ITFG1: variants seen among roughly 807,000 people sequenced by gnomAD.
ITFG1 encodes T-cell immunomodulatory protein.
A neutral mutation model predicts 81.8 loss-of-function variants in ITFG1; 34 were observed. The observed-to-expected ratio is 0.42, with a 90% CI of 0.32 to 0.55. ITFG1 has a LOEUF of 0.55. ITFG1 is among the 20% of genes least tolerant of loss of function. ITFG1 has a pLI of 0.17. For missense variants in ITFG1, 672 were observed against 755.4 expected (o/e 0.89, Z 1.29); for synonymous variants, 285 against 270.6 (o/e 1.05, Z -0.52).
At chr16:47,199,687 G>A (rs932374147) in intron 14 of ITFG1, among the ~76,000 whole-genome samples, 7 of 152,026 alleles carry the variant, frequency 4.6e-5, no homozygotes, top group Non-Finnish European at 1.0e-4. Flanking sequence ...CCGGGGGTGG[G>A]GGATGGTTTT....
chr16:47,456,550 G>A (rs183871430), intron 2 of ITFG1, among the ~76,000 whole-genome samples: 2 of 152,178 alleles, frequency 1.3e-5, no homozygotes, highest in East Asian at 3.9e-4. Flanking sequence ...AAATTCGCTG[G>A]GCGTGGCGTT....
At chr16:47,424,541 G>T (rs1473002250) in intron 6 of ITFG1, among the ~76,000 whole-genome samples, 1 of 152,184 alleles carries the variant, frequency 6.6e-6, no homozygotes, top group Non-Finnish European at 1.5e-5. Flanking sequence ...CAGCTTTTCT[G>T]CTCTGGTTTC....
At chr16:47,417,665 T>C (rs1256410754) in intron 6 of ITFG1, among the ~76,000 whole-genome samples, 2 of 152,224 alleles carry the variant, frequency 1.3e-5, no homozygotes, top group Non-Finnish European at 2.9e-5. Context: ...CTTAATTCAC[T>C]TAACATAATG....
At chr16:47,296,586 C>T (rs1056500994) in intron 10 of ITFG1, among the ~76,000 whole-genome samples, 2 of 152,110 alleles carry the variant, frequency 1.3e-5, no homozygotes, top group African/African-American at 2.4e-5. Flanking sequence ...CAGGTACACG[C>T]CATCACGTCC....
chr16:47,158,816 TGTA>T, intron 17 of ITFG1, 54 bp downstream of exon 17: 1 of 816,116 alleles, frequency 1.2e-6, no homozygotes, highest in Non-Finnish European at 2.0e-6. Flanking sequence ...TAAAGAGCAA[TGTA>T]TGTATTACTA....
At chr16:47,228,311 A>G (rs1214917760) in intron 13 of ITFG1, among the ~76,000 whole-genome samples, 2 of 152,182 alleles carry the variant, frequency 1.3e-5, no homozygotes, top group Non-Finnish European at 2.9e-5. Flanking sequence ...GTAAAACAGT[A>G]CCAAGTAAGA....
rs1166937921 is a variant in ITFG1 at position 47,461,013 on chromosome 16, C to G, written c.33G>C (p.Trp11Cys). The G allele has an allele frequency of 6.4e-7, 1 of 1,552,980 alleles. No individual in the cohort carries two copies. The change falls in exon 1 of 18, where the codon TGG (tryptophan) becomes TGC (cysteine). Residue 11 changes from tryptophan to cysteine, a missense_variant. Physicochemically the swap from Trp to Cys is radical, Grantham distance 215. Around this residue, in one of 3 missense-constraint regions of ITFG1, gnomAD observed 47 missense variants for 26.4 expected, o/e 1.78. Transcript: ENST00000320640. MAAAGRLPSS[W>C]ALFSPLLAGL... ...CTGCGAGGAGCGGCGAGAAGAGGGC[C>G]CAGGAGCTCGGGAGCCGGCCCGCCG... is the stretch of plus-strand genomic sequence containing the variant.
In ITFG1 at chr16:47,454,151, T is replaced by C. The variant is rs1969422775; in HGVS notation, c.289A>G (p.Ser97Gly). 2 of 1,600,286 alleles carry C rather than the reference T, an allele frequency of 1.2e-6. No homozygotes were observed. The highest frequency in any genetic ancestry group is 2.7e-5 in the African/African-American group (2 of 74,608). ...PKVKVSFKNH[S>G]ALITSVVPGD... ...GGGACTACACTTGTTATCAATGCAC[T>C]GTGATTCCTAAAAGAAACAAGCATT... The change falls in exon 3 of 18, where the codon AGT becomes GGT. Residue 97 changes from serine to glycine, a missense_variant. Physicochemically the swap from Ser to Gly is moderately conservative, Grantham distance 56. Coordinates refer to ENST00000320640, the MANE Select transcript of ITFG1 (RefSeq NM_030790.5).
chr16:47,340,259 T>G (rs1330694594), intron 8 of ITFG1, among the ~76,000 whole-genome samples: 1 of 152,172 alleles, frequency 6.6e-6, no homozygotes, highest in African/African-American at 2.4e-5. Flanking sequence ...CCTGGGCAAG[T>G]ATAAAAGCCA....
intron 8 of ITFG1, among the ~76,000 whole-genome samples, chr16:47,330,010 A>G (rs1967615406): frequency 6.6e-6 from 1 of 152,136 alleles, no homozygotes; most frequent in African/African-American, 2.4e-5. Context: ...GATAGGTTAC[A>G]GATTCTTAGT....
At chr16:47,366,075 T>A (rs1365271693) in intron 7 of ITFG1, among the ~76,000 whole-genome samples, 1 of 152,198 alleles carries the variant, frequency 6.6e-6, no homozygotes, top group African/African-American at 2.4e-5. Flanking sequence ...GAATGTGGTA[T>A]GCTTTCCTTG....
intron 14 of ITFG1, among the ~76,000 whole-genome samples, chr16:47,167,297 G>T (rs1964903841): frequency 6.6e-6 from 1 of 152,148 alleles, no homozygotes. Context: ...TGCATCCCCT[G>T]TAACTTGCAC....
At chr16:47,286,853 T>C (rs73538997) in intron 10 of ITFG1, among the ~76,000 whole-genome samples, 15,631 of 152,162 alleles carry the variant, frequency 0.1, 1,630 homozygotes, top group African/African-American at 0.27. Context: ...CTATCCCTAT[T>C]GTATTCATGA....
At chr16:47,188,870 T>C (rs1596796197) in intron 14 of ITFG1, among the ~76,000 whole-genome samples, 2 of 152,184 alleles carry the variant, frequency 1.3e-5, no homozygotes, top group Admixed American at 6.5e-5. Context: ...GTTTAAGCGA[T>C]GCTCCTGCCT....
At chr16:47,425,093 C>A (rs1361173864) in intron 6 of ITFG1, among the ~76,000 whole-genome samples, 1 of 152,180 alleles carries the variant, frequency 6.6e-6, no homozygotes, top group Non-Finnish European at 1.5e-5. Flanking sequence ...GAGCTCCTCC[C>A]AGTTCGAGCT....
In ITFG1 at chr16:47,441,132, G is replaced by T. The variant is rs1477532983; in HGVS notation, c.560+10264C>A. ...CACCCTCCCAAGACTAAACCAGGAA[G>T]AAGTTGAATCTCTGAGTAGACCAAT... On this transcript the variant is annotated intron_variant, in intron 5 of 17. Transcript: ENST00000320640. 2.0e-5 allele frequency among the ~76,000 whole-genome samples: 3 copies of T among 152,296 alleles called. No individual in the cohort carries two copies. In the East Asian group the frequency reaches 5.8e-4, roughly 29 times the overall value.
At chr16:47,213,532 A>C (rs1965590191) in intron 14 of ITFG1, among the ~76,000 whole-genome samples, 1 of 152,094 alleles carries the variant, frequency 6.6e-6, no homozygotes, top group Admixed American at 6.6e-5. Context: ...AGATTTGTCT[A>C]TTCGCCTTTC....
intron 7 of ITFG1, among the ~76,000 whole-genome samples, chr16:47,373,284 C>T (rs1011337710): frequency 3.3e-5 from 5 of 151,384 alleles, no homozygotes; most frequent in African/African-American, 9.7e-5. Flanking sequence ...AATACTACAT[C>T]TTTTTTTTTC....
At chr16:47,361,179 A>G (rs1485612574) in intron 8 of ITFG1, among the ~76,000 whole-genome samples, 2 of 152,184 alleles carry the variant, frequency 1.3e-5, no homozygotes, top group Non-Finnish European at 2.9e-5. Flanking sequence ...TGAAGAAGAA[A>G]GTGTGATCTC....
Sources: gnomAD v4.1 joint callset for allele counts (sites outside exome capture counted in the v4.1 genomes callset) on GRCh38, gnomAD v4.1.1 for gene constraint, gnomAD v4.1.1 regional missense constraint, MANE v1.5 for transcripts, NCBI Gene and HGNC (gene_info 2026-07-23, HGNC 2026-07-21) for gene names.